Variants in DPY19L3 observed in about 807,000 individuals in gnomAD.
DPY19L3 encodes dpy-19 like C-mannosyltransferase 3, also known as protein C-mannosyl-transferase DPY19L3.
Under a neutral mutation model 92.3 loss-of-function variants are expected in DPY19L3, and 51 were observed. The observed-to-expected ratio is 0.55, with a 90% CI of 0.44 to 0.70. The LOEUF is 0.70. Ranked by LOEUF, DPY19L3 falls within the 30% of genes least tolerant of loss-of-function variation. The probability of loss-of-function intolerance (pLI) is 0.00; values close to 1 mark genes in which losing one functional copy is unlikely to be tolerated. For synonymous variants in DPY19L3, 309 were observed against 315.2 expected, an observed-to-expected ratio of 0.98 and a Z score of 0.21; for missense variants, 706 against 855.9, an observed-to-expected ratio of 0.82 and a Z score of 2.18.
At position 32,484,713 on chromosome 19, in the gene DPY19L3, C is replaced by T. The variant is rs1227105694; in HGVS notation, c.*2473C>T. 6.6e-6 allele frequency: 1 copy of T among 152,146 alleles called. No individual in the cohort carries two copies. Among genetic ancestry groups the T allele is most frequent in the Non-Finnish European group, 1.5e-5 (1 of 68,032 alleles). 9.4% of individuals were successfully genotyped at this position (152,146 alleles called of 1,614,324 possible). On this transcript the variant is annotated 3_prime_UTR_variant, in exon 19 of 19. Coordinates refer to ENST00000392250, the MANE Select transcript of DPY19L3 (RefSeq NM_001172774.2). Reference sequence around the variant, plus strand: ...CCGGCTCCCTCCCTGGAGTTGTGCACCCGTCCCAAACTCCTCCATGCAAGT... The same window carrying T: ...CCGGCTCCCTCCCTGGAGTTGTGCATCCGTCCCAAACTCCTCCATGCAAGT...
rs755896120 is a variant in DPY19L3 at position 32,477,636 on chromosome 19, G to A, written c.1812G>A (p.Leu604=). Residue 604 remains leucine, a synonymous_variant, in exon 17 of 19, where the codon CTG becomes CTA. Transcript: ENST00000392250. ...TNHPHYEDSS[L]RERTRAVYQI... is the part of the protein sequence containing the mutation. ...ACCCGCACTATGAAGACAGCAGCCT[G>A]AGAGAGCGGACCAGAGCGGTGAGGC... The A allele has an allele frequency of 5.7e-5, 92 of 1,614,024 alleles. No individual in the cohort carries two copies. Among genetic ancestry groups the A allele is most frequent in the Non-Finnish European group, 7.3e-5 (86 of 1,180,052 alleles).
chr19:32,459,197 T>G (rs569009821), intron 12 of DPY19L3, among the ~76,000 whole-genome samples: 1 of 152,220 alleles, frequency 6.6e-6, no homozygotes, highest in Non-Finnish European at 1.5e-5. Flanking sequence ...ATCAGGAGTA[T>G]GAAGGCTTTT....
At chr19:32,415,577 G>A (rs1968351955) in intron 3 of DPY19L3, among the ~76,000 whole-genome samples, 1 of 152,196 alleles carries the variant, frequency 6.6e-6, no homozygotes, top group Non-Finnish European at 1.5e-5. Context: ...TTTTAGTAGA[G>A]GCAGCGATGT....
chr19:32,425,515 T>C (rs1372649327), intron 3 of DPY19L3, among the ~76,000 whole-genome samples: 6 of 151,390 alleles, frequency 4.0e-5, no homozygotes, highest in Non-Finnish European at 7.4e-5. Flanking sequence ...GGCGCCACTG[T>C]GCTCCATCGT....
At chr19:32,442,870 G>GCCTT (rs773056105) in intron 8 of DPY19L3, among the ~76,000 whole-genome samples, 63 of 152,214 alleles carry the variant, frequency 4.1e-4, no homozygotes, top group Admixed American at 9.8e-4. Flanking sequence ...CACTAGGCAT[G>GCCTT]CCTTGCTTCC....
At chr19:32,419,306 G>A (rs1379753460) in intron 3 of DPY19L3, among the ~76,000 whole-genome samples, 1 of 151,502 alleles carries the variant, frequency 6.6e-6, no homozygotes, top group Non-Finnish European at 1.5e-5. Flanking sequence ...GACTACAGGT[G>A]CCCGCTGCCA....
chr19:32,421,602 T>C (rs560706683), intron 3 of DPY19L3, among the ~76,000 whole-genome samples: 3 of 138,802 alleles, frequency 2.2e-5, no homozygotes, highest in African/African-American at 8.3e-5. Context: ...CACTCCAGCC[T>C]GGGTGACAAA....
Position 32,439,896 on chromosome 19 carries a change from C to T in DPY19L3, c.841C>T (p.Leu281=). The T allele has an allele frequency of 1.2e-6, 2 of 1,612,860 alleles. No individual in the cohort carries two copies. The highest frequency in any genetic ancestry group is 1.7e-6 in the Non-Finnish European group (2 of 1,179,556). The stretch of plus-strand genomic sequence containing the variant: ...GTTCACACTGGACTCCCTGGACATG[C>T]TGCCAGCAGTGAAGGTGAGCTTTGC... ...VLFTLDSLDM[L]PAVKATWLYG... Residue 281 remains leucine (L), a synonymous_variant, in exon 8 of 19, where the codon CTG becomes TTG. Coordinates refer to ENST00000392250, the MANE Select transcript of DPY19L3 (RefSeq NM_001172774.2).
chr19:32,407,550 T>C (rs908856564), intron 1 of DPY19L3, among the ~76,000 whole-genome samples: 2 of 152,144 alleles, frequency 1.3e-5, no homozygotes, highest in African/African-American at 4.8e-5. Context: ...TATACAACTG[T>C]GTAGTTACGT....
intron 1 of DPY19L3, 146 bp downstream of exon 1, chr19:32,406,055 G>T (rs970606464): frequency 1.3e-5 from 2 of 151,352 alleles, no homozygotes; most frequent in Non-Finnish European, 3.0e-5. Context: ...CCGCGGCGTC[G>T]GGGCGTCGGG....
At chr19:32,433,250 C>A (rs976489863) in intron 4 of DPY19L3, among the ~76,000 whole-genome samples, 87 of 152,050 alleles carry the variant, frequency 5.7e-4, no homozygotes, top group Admixed American at 3.3e-4. Context: ...TGGGTTAGAC[C>A]CCACACTCTG....
At chr19:32,460,935 G>A (rs12985929) in intron 12 of DPY19L3, among the ~76,000 whole-genome samples, 11,807 of 152,030 alleles carry the variant, frequency 0.078, 690 homozygotes, top group East Asian at 0.3. Flanking sequence ...GTGCAATCTC[G>A]GCTCACTGCA....
chr19:32,432,564 A>G, intron 3 of DPY19L3, 152 bp from the exon 4 acceptor site: 1 of 567,576 alleles, frequency 1.8e-6, no homozygotes, highest in East Asian at 3.1e-5. Flanking sequence ...AACAGTGATC[A>G]GCCTTCCATT....
chr19:32,407,919 C>A (rs1968032970), intron 1 of DPY19L3, among the ~76,000 whole-genome samples: 1 of 151,976 alleles, frequency 6.6e-6, no homozygotes, highest in Non-Finnish European at 1.5e-5. Context: ...GATAGGGAGA[C>A]CCCATCTTTA....
intron 3 of DPY19L3, among the ~76,000 whole-genome samples, chr19:32,415,097 A>G (rs1024519270): frequency 6.6e-6 from 1 of 152,244 alleles, no homozygotes; most frequent in African/African-American, 2.4e-5. Flanking sequence ...GCTTAGTGGT[A>G]GCAGTATCAC....
intron 3 of DPY19L3, among the ~76,000 whole-genome samples, chr19:32,423,402 A>ATTTTTTTTTTTTTTTTT (rs71176123): frequency 2.4e-4 from 20 of 82,224 alleles, no homozygotes; most frequent in African/African-American, 7.2e-4. Flanking sequence ...TGCCCAGCTA[A>ATTTTTTTTTTTTTTTTT]TTTTTTTTTT....
intron 12 of DPY19L3, among the ~76,000 whole-genome samples, chr19:32,458,925 T>C (rs1969954226): frequency 6.6e-6 from 1 of 152,206 alleles, no homozygotes; most frequent in Non-Finnish European, 1.5e-5. Flanking sequence ...CTGGTTTCAT[T>C]ATCACTGTTG....
chr19:32,470,781 CTTTT>C (rs71336911), intron 16 of DPY19L3, among the ~76,000 whole-genome samples: 7 of 91,210 alleles, frequency 7.7e-5, no homozygotes, highest in Non-Finnish European at 9.9e-5. Flanking sequence ...ATTCCTTTGG[CTTTT>C]TTTTTTTTTT....
intron 3 of DPY19L3, among the ~76,000 whole-genome samples, chr19:32,419,407 C>T (rs771514881): frequency 2.6e-5 from 4 of 152,072 alleles, no homozygotes; most frequent in South Asian, 4.2e-4. Flanking sequence ...GTGATCCACC[C>T]GCCTCGGCCT....
Sources: allele counts gnomAD v4.1 joint callset (sites outside exome capture counted in the v4.1 genomes callset), GRCh38; gene constraint gnomAD v4.1.1; transcripts MANE v1.5; gene names NCBI Gene and HGNC (gene_info 2026-07-23, HGNC 2026-07-21).